Variants in ELMO2 observed in about 807,000 individuals in gnomAD.
The protein encoded by ELMO2 is engulfment and cell motility protein 2.
In ELMO2, 37 loss-of-function variants were observed where a neutral mutation model predicts 96.2. The ratio of observed to expected loss-of-function variants is 0.38; its 90% CI spans 0.30 to 0.51. The LOEUF is 0.51. Ranked by LOEUF, ELMO2 falls within the 20% of genes least tolerant of loss-of-function variation. The pLI, the probability that ELMO2 is intolerant of heterozygous loss-of-function variation, is 0.88. For synonymous variants in ELMO2, 315 were observed against 329.4 expected (o/e 0.96, Z 0.47); for missense variants, 561 against 912.6 (o/e 0.61, Z 4.96).
In ELMO2 at chr20:46,367,213, G is replaced by C; in HGVS notation, c.*147C>G. The C allele has an allele frequency of 2.8e-6, 2 of 725,246 alleles. No individual in the cohort carries two copies. The highest frequency in any genetic ancestry group is 3.6e-5 in the Admixed American group (1 of 27,686). 44.9% of individuals were successfully genotyped at this position (725,246 alleles called of 1,614,324 possible). ...ACCAAGAGGAAACTCTGGGTGGTCC[G>C]AGGTGGGTTTGAGAAATGGCTGGCA... On this transcript the variant is annotated 3_prime_UTR_variant, in exon 22 of 22. Transcript: ENST00000290246.
intron 8 of ELMO2, among the ~76,000 whole-genome samples, chr20:46,386,755 C>T (rs111465943): frequency 1.8e-3 from 273 of 152,266 alleles, no homozygotes; most frequent in African/African-American, 6.4e-3. Flanking sequence ...TGTCCAGTGT[C>T]GGGGAGTCCC....
Position 46,380,245 on chromosome 20 carries a change from G to C in ELMO2, c.807+8C>G. 1 of 1,609,234 alleles carries C rather than the reference G, an allele frequency of 6.2e-7. No homozygotes were observed. Among genetic ancestry groups the C allele is most frequent in the Non-Finnish European group, 8.5e-7 (1 of 1,175,982 alleles). ...AGTAATAAAATACAGCATGTTCCAG[G>C]AACTCACATTCAGGATTATAGACCG... On this transcript the variant is annotated splice_region_variant and intron_variant, in intron 11 of 21. Transcript: ENST00000290246.
intron 2 of ELMO2, among the ~76,000 whole-genome samples, chr20:46,397,127 A>C (rs1031662036): frequency 6.6e-6 from 1 of 152,160 alleles, no homozygotes; most frequent in African/African-American, 2.4e-5. Flanking sequence ...TCTCTTTATT[A>C]AAGTTAGCCC....
At position 46,371,676 on chromosome 20, in the gene ELMO2, C is replaced by T. The variant is rs1435952015; in HGVS notation, c.1596G>A (p.Lys532=). The T allele has an allele frequency of 1.2e-6, 2 of 1,613,936 alleles. No homozygotes were observed. The highest frequency in any genetic ancestry group is 1.1e-5 in the South Asian group (1 of 91,086). ...TCAGCTCAAGGATCTCGGGCTGGAT[C>T]TTCTCCCTCAGCTCCCTGGGGTGGA... The part of the protein sequence containing the change: ...QSPPIVELRE[K]IQPEILELIK... The change falls in exon 18 of 22, where the codon AAG becomes AAA. Residue 532 remains lysine (K), a synonymous_variant. Coordinates refer to ENST00000290246, the MANE Select transcript of ELMO2 (RefSeq NM_133171.5). This position sits in a 1 kb window ranked among gnomAD's most constrained non-coding sequence, Gnocchi z 5.9.
intron 1 of ELMO2, among the ~76,000 whole-genome samples, chr20:46,406,136 G>A (rs1420497441): frequency 6.6e-6 from 1 of 152,108 alleles, no homozygotes; most frequent in African/African-American, 2.4e-5. Context: ...GCATGACCCC[G>A]GGCTTTCAAC....
rs982360300 is a variant in ELMO2, at chr20:46,386,985, AT to A, written c.525+352del. ...AGGCAAATTTACAAATGAAATGCAA[AT>A]TTTTTTTATATATATACAAAAAGAA... On this transcript the variant is annotated intron_variant, in intron 8 of 21. Coordinates refer to ENST00000290246, the MANE Select transcript of ELMO2 (RefSeq NM_133171.5). 5.9e-5 allele frequency among the ~76,000 whole-genome samples: 9 copies of A among 152,186 alleles called. No homozygotes were observed. The East Asian group carries it at 7.7e-4, about 13-fold the overall frequency.
chr20:46,393,562 A>G lies in ELMO2; in HGVS notation c.159T>C (p.Tyr53=), dbSNP rs1474710394. ...LPNPEYYTLR[Y]ADGPQLYITE... The stretch of plus-strand genomic sequence containing the variant: ...TGATGTACAGCTGAGGACCATCTGC[A>G]TAACGGAGGGTATAATACTCTGGGT... Residue 53 remains tyrosine, a synonymous_variant, in exon 5 of 22, where the codon TAT becomes TAC. Coordinates refer to ENST00000290246, the MANE Select transcript of ELMO2 (RefSeq NM_133171.5). 3.7e-6 allele frequency: 6 copies of G among 1,614,020 alleles called. No homozygotes were observed. The highest frequency in any genetic ancestry group is 1.3e-5 in the African/African-American group (1 of 74,928).
chr20:46,381,896 T>C (rs1398419082), intron 10 of ELMO2, among the ~76,000 whole-genome samples: 1 of 152,220 alleles, frequency 6.6e-6, no homozygotes, highest in Non-Finnish European at 1.5e-5. Flanking sequence ...TCCATGGTAT[T>C]GTCTAGATCA....
In ELMO2 at chr20:46,380,051, C is replaced by T. The variant is rs1314389000; in HGVS notation, c.807+202G>A. The T allele has an allele frequency of 8.3e-6, 4 of 481,298 alleles. No homozygotes were observed. The Admixed American group carries it at 1.4e-4, about 17-fold the overall frequency. 29.8% of individuals were successfully genotyped at this position (481,298 alleles called of 1,614,324 possible). On this transcript the variant is annotated intron_variant, in intron 11 of 21. Transcript: ENST00000290246. ...TCCCTCCCTGGACGCACTGCAATTG[C>T]TGGTGAGATGGCTGCCTAGAGGCAA... is the stretch of plus-strand genomic sequence containing the variant.
At chr20:46,394,382 T>C in intron 3 of ELMO2, 23 bp downstream of exon 3, 1 of 1,613,802 alleles carries the variant, frequency 6.2e-7, no homozygotes, top group Non-Finnish European at 8.5e-7. Flanking sequence ...CTTGAACCAC[T>C]GCTTCTCACT....
At chr20:46,369,838 T>A (rs897997527) in intron 20 of ELMO2, 1 of 182,278 alleles carries the variant, frequency 5.5e-6, no homozygotes, top group Non-Finnish European at 1.0e-5. Context: ...ACAAGCAATC[T>A]GGTTCTTCAG....
intron 2 of ELMO2, among the ~76,000 whole-genome samples, 153 bp from the exon 3 acceptor site, chr20:46,394,685 T>G (rs538987985): frequency 2.0e-5 from 3 of 152,374 alleles, no homozygotes; most frequent in East Asian, 1.9e-4. Flanking sequence ...CAACTTCTGC[T>G]TAGGATTTTG....
intron 2 of ELMO2, among the ~76,000 whole-genome samples, chr20:46,397,632 T>C (rs757073388): frequency 5.3e-5 from 8 of 152,096 alleles, no homozygotes; most frequent in Non-Finnish European, 1.2e-4. Context: ...GATTGCACCA[T>C]TACGCTCCAG....
intron 20 of ELMO2, chr20:46,370,194 G>T (rs888668895): frequency 3.1e-6 from 2 of 635,356 alleles, no homozygotes; most frequent in Non-Finnish European, 5.8e-6. Context: ...GAAACAGTGT[G>T]ATACTTGGGA....
chr20:46,393,140 G>T lies in ELMO2; in HGVS notation c.196C>A (p.Arg66Ser). ...ATTGTCCCATTCTTAATGTCACTGC[G>T]AGTCTGGGTAGTGAAAAATAAACAA... ...GPQLYITEQT[R>S]SDIKNGTILQ... The change falls in exon 6 of 22, where the codon CGC becomes AGC. Residue 66 changes from arginine to serine, a missense_variant. Physicochemically the swap from Arg to Ser is moderately radical, Grantham distance 110. Coordinates refer to ENST00000290246, the MANE Select transcript of ELMO2 (RefSeq NM_133171.5). The T allele has an allele frequency of 6.2e-7, 1 of 1,613,872 alleles. No individual in the cohort carries two copies.
rs1307433788 is a variant in ELMO2, at chr20:46,366,710, G to T, written c.*650C>A. On this transcript the variant is annotated 3_prime_UTR_variant, in exon 22 of 22. Transcript: ENST00000290246. ...TGGCCAGGAGGTCTTTGACTTGCTG[G>T]GATGAGACTGAGCGCTTGCAGGGAG... 1 of 152,602 alleles carries T rather than the reference G, an allele frequency of 6.6e-6. No individual in the cohort carries two copies. The highest frequency in any genetic ancestry group is 2.4e-5 in the African/African-American group (1 of 41,446). The allele number at this position is 152,602 out of a possible 1,614,324, so 9.5% of individuals were successfully genotyped here.
intron 2 of ELMO2, among the ~76,000 whole-genome samples, chr20:46,395,258 A>C (rs1600881289): frequency 6.6e-6 from 1 of 152,174 alleles, no homozygotes. Context: ...CTCCAAAATA[A>C]AGGAAAATAA....
Position 46,374,560 on chromosome 20 carries a change from T to G in ELMO2, c.1146A>C (p.Lys382Asn). ...CCCGGATGTAGGTGTCCTGGTGGAC[T>G]TTAGCCAAGTACAGCATGTTGTCCA... Reference protein sequence around the residue: ...LALDNMLYLAKVHQDTYIRIV... With the variant: ...LALDNMLYLANVHQDTYIRIV... Residue 382 changes from lysine (K) to asparagine (N), a missense_variant, in exon 14 of 22, where the codon AAA (lysine) becomes AAC (asparagine). Lys to Asn is a moderately conservative substitution (Grantham distance 94, BLOSUM62 0). Transcript: ENST00000290246. The G allele has an allele frequency of 6.2e-7, 1 of 1,614,176 alleles. No individual in the cohort carries two copies. Among genetic ancestry groups the G allele is most frequent in the South Asian group, 1.1e-5 (1 of 91,078 alleles).
chr20:46,394,591 T>G, intron 2 of ELMO2, 59 bp from the exon 3 acceptor site: 1 of 1,318,722 alleles, frequency 7.6e-7, no homozygotes, highest in South Asian at 1.3e-5. Flanking sequence ...TCACTCTTGT[T>G]ACATGTTTTG....
Sources: gnomAD v4.1 joint callset for allele counts (sites outside exome capture counted in the v4.1 genomes callset) on GRCh38, gnomAD v4.1.1 for gene constraint, Gnocchi (gnomAD v3.1) non-coding constraint, MANE v1.5 for transcripts, NCBI Gene and HGNC (gene_info 2026-07-23, HGNC 2026-07-21) for gene names.